NLGN1: variants seen among roughly 807,000 people sequenced by gnomAD.
NLGN1 encodes the protein neuroligin-1.
In NLGN1, 12 loss-of-function variants were observed where a neutral mutation model predicts 65.5. The ratio of observed to expected loss-of-function variants is 0.18; its 90% CI spans 0.12 to 0.30. The LOEUF is 0.30. NLGN1 is among the 10% of genes least tolerant of loss of function. The pLI is 1.00. For synonymous variants in NLGN1, 350 were observed against 359.5 expected (o/e 0.97, Z 0.30); for missense variants, 750 against 1,007.1 (o/e 0.74, Z 3.46).
downstream of NLGN1, among the ~76,000 whole-genome samples, chr3:174,290,172 G>A (rs1247468132): frequency 2.0e-5 from 3 of 150,456 alleles, no homozygotes; most frequent in Non-Finnish European, 4.5e-5. Context: ...GTCAGGAATA[G>A]CCAAGATTAT....
At chr3:173,907,102 A>T (rs937997799) in intron 4 of NLGN1, among the ~76,000 whole-genome samples, 1 of 152,188 alleles carries the variant, frequency 6.6e-6, no homozygotes, top group African/African-American at 2.4e-5. Flanking sequence ...AATTGGTGAC[A>T]TGAAATATCC....
chr3:173,518,606 A>C (rs1348748754), intron 2 of NLGN1, among the ~76,000 whole-genome samples: 1 of 151,468 alleles, frequency 6.6e-6, no homozygotes, highest in African/African-American at 2.4e-5. Flanking sequence ...TCCCTCATTT[A>C]TCTCTTATTT....
chr3:174,096,075 G>A (rs1745471908), intron 4 of NLGN1, among the ~76,000 whole-genome samples: 1 of 151,600 alleles, frequency 6.6e-6, no homozygotes, highest in African/African-American at 2.4e-5. Context: ...TATACAAAGA[G>A]TGAGTTTTCA....
intron 3 of NLGN1, among the ~76,000 whole-genome samples, chr3:173,687,183 C>T (rs150633402): frequency 2.0e-5 from 3 of 152,230 alleles, no homozygotes; most frequent in Non-Finnish European, 4.4e-5. Context: ...TTTGTAGAAC[C>T]GAGTTGGATT....
intron 4 of NLGN1, among the ~76,000 whole-genome samples, chr3:174,066,516 G>GTCTCTA: frequency 1.5e-5 from 1 of 67,032 alleles, no homozygotes; most frequent in Non-Finnish European, 2.8e-5. Flanking sequence ...TATGGAACAA[G>GTCTCTA]TCTCTCTCTC....
At chr3:173,851,936 GTTTTT>G (rs979996884) in intron 4 of NLGN1, among the ~76,000 whole-genome samples, 2 of 147,286 alleles carry the variant, frequency 1.4e-5, no homozygotes, top group African/African-American at 5.0e-5. Flanking sequence ...GATGTCACTT[GTTTTT>G]TTTTTCTTTT....
intron 2 of NLGN1, among the ~76,000 whole-genome samples, chr3:173,564,031 T>TGCCGTC (rs1743219392): frequency 6.6e-6 from 1 of 152,246 alleles, no homozygotes; most frequent in African/African-American, 2.4e-5. Context: ...ATCTGGCCCT[T>TGCCGTC]ACTACCTGTC....
At chr3:173,466,631 T>C (rs1724410153) in intron 2 of NLGN1, among the ~76,000 whole-genome samples, 1 of 152,218 alleles carries the variant, frequency 6.6e-6, no homozygotes, top group African/African-American at 2.4e-5. Context: ...AAGTTGTTTA[T>C]TGATGAATAT....
chr3:173,470,391 C>T (rs896634421), intron 2 of NLGN1, among the ~76,000 whole-genome samples: 3 of 152,156 alleles, frequency 2.0e-5, no homozygotes, highest in East Asian at 3.9e-4. Context: ...TTCTCTTTCT[C>T]TCCTTGTGAA....
chr3:173,525,522 A>G (rs1735502172), intron 2 of NLGN1, among the ~76,000 whole-genome samples: 1 of 151,906 alleles, frequency 6.6e-6, no homozygotes, highest in African/African-American at 2.4e-5. Flanking sequence ...TGGTTAACAT[A>G]GAAATTTATC....
intron 4 of NLGN1, among the ~76,000 whole-genome samples, chr3:174,030,944 C>T (rs1359977778): frequency 2.0e-5 from 3 of 152,110 alleles, no homozygotes; most frequent in Non-Finnish European, 2.9e-5. Context: ...TTTCTTTATG[C>T]CACACATCTT....
rs144510733 is a variant in NLGN1 at position 173,627,477 on chromosome 3, T to C, written c.493+22386T>C. On this transcript the variant is annotated intron_variant, in intron 3 of 6. Coordinates refer to ENST00000457714, the Ensembl canonical transcript of NLGN1. ...TTAGGTTCATTACTACCTTGGCTATTGTGAATAATGCTGTAATGAACGTGA... is the reference window on the plus strand; with the variant it reads ...TTAGGTTCATTACTACCTTGGCTATCGTGAATAATGCTGTAATGAACGTGA... Among the ~76,000 whole-genome samples, 431 of 152,296 alleles carry C rather than the reference T, an allele frequency of 2.8e-3. 1 individual carries two copies. The highest frequency in any genetic ancestry group is 0.01 in the African/African-American group (418 of 41,578).
rs566528366 is a variant in NLGN1, at chr3:173,565,915, AG to A, written c.-320-38362del. ...TAAACAATACCAATTAAAGCTGTTT[AG>A]GTATATGAAAATTCAGAGGATTGAA... is the stretch of plus-strand genomic sequence containing the variant. On this transcript the variant is annotated intron_variant, in intron 2 of 6. Coordinates refer to ENST00000457714, the Ensembl canonical transcript of NLGN1. 1.3e-4 allele frequency among the ~76,000 whole-genome samples: 20 copies of A among 152,332 alleles called. No homozygotes were observed. The East Asian group carries it at 3.7e-3, about 28-fold the overall frequency.
intron 4 of NLGN1, among the ~76,000 whole-genome samples, chr3:174,079,698 T>A (rs577254972): frequency 1.2e-3 from 177 of 152,312 alleles, no homozygotes; most frequent in African/African-American, 4.0e-3. Context: ...TGGAACAGTA[T>A]GTAGCTATAA....
At chr3:173,679,020 A>G (rs569382359) in intron 3 of NLGN1, among the ~76,000 whole-genome samples, 1 of 151,962 alleles carries the variant, frequency 6.6e-6, no homozygotes, top group African/African-American at 2.4e-5. Context: ...AGTTTGGTTT[A>G]GGTATGTTAT....
In NLGN1 at chr3:173,729,243, T is replaced by A. The variant is rs1414340142; in HGVS notation, c.494-78437T>A. 1.2e-4 allele frequency among the ~76,000 whole-genome samples: 18 copies of A among 152,192 alleles called. No individual in the cohort carries two copies. In the East Asian group the frequency reaches 3.5e-3, roughly 29 times the overall value. On this transcript the variant is annotated intron_variant, in intron 3 of 6. Coordinates refer to ENST00000457714, the Ensembl canonical transcript of NLGN1. ...CTGAGCAATTCCCAGAAAATGTATT[T>A]TCAGCTTTAAAATTCTCGAAAAACA...
At chr3:173,745,740 A>G (rs896949390) in intron 3 of NLGN1, among the ~76,000 whole-genome samples, 2 of 152,132 alleles carry the variant, frequency 1.3e-5, no homozygotes, top group African/African-American at 2.4e-5. Context: ...TGCCATGGCT[A>G]TTGGTGGCCC....
At chr3:173,986,949 G>A (rs1207880432) in intron 4 of NLGN1, among the ~76,000 whole-genome samples, 1 of 152,110 alleles carries the variant, frequency 6.6e-6, no homozygotes, top group African/African-American at 2.4e-5. Context: ...TTCCTTTACT[G>A]TTCTAGTGTA....
chr3:174,186,586 T>C (rs1482732037), intron 4 of NLGN1, among the ~76,000 whole-genome samples: 2 of 152,070 alleles, frequency 1.3e-5, no homozygotes, highest in East Asian at 1.9e-4. Flanking sequence ...CACTGTTTTT[T>C]ACTCTGAGTC....
Sources: allele counts gnomAD v4.1 joint callset (sites outside exome capture counted in the v4.1 genomes callset), GRCh38; gene constraint gnomAD v4.1.1; transcripts MANE v1.5; gene names NCBI Gene and HGNC (gene_info 2026-07-23, HGNC 2026-07-21).